RASGRP2: variants seen among roughly 807,000 people sequenced by gnomAD.
The protein encoded by RASGRP2 is RAS guanyl releasing protein 2, also known as RAS guanyl-releasing protein 2.
RASGRP2 carries 44 observed loss-of-function variants against 71.0 expected under a neutral mutation model. The ratio of observed to expected loss-of-function variants is 0.62; its 90% CI spans 0.49 to 0.80. The LOEUF (loss-of-function observed/expected upper bound fraction) is 0.80, where lower values mean the gene tolerates loss of function less well. RASGRP2 is among the 30% of genes least tolerant of loss of function. The probability of loss-of-function intolerance (pLI) is 0.00; values close to 1 mark genes in which losing one functional copy is unlikely to be tolerated. For synonymous variants in RASGRP2, 350 were observed against 330.7 expected, an observed-to-expected ratio of 1.06 and a Z score of -0.63; for missense variants, 663 against 813.4, an observed-to-expected ratio of 0.82 and a Z score of 2.25.
Position 64,735,848 on chromosome 11 carries a change from T to TC in RASGRP2, c.1173+54dup. ...GCTAAGAGCTCTTCCCATCCTCACATCCTGGGATTCTCAGGAGGGAAGGGC... is the reference window on the plus strand; with the variant it reads ...GCTAAGAGCTCTTCCCATCCTCACATCCCTGGGATTCTCAGGAGGGAAGGGC... On this transcript the variant is annotated intron_variant, in intron 10 of 16. Transcript: ENST00000394432. This position sits in a 1 kb window ranked among gnomAD's most constrained non-coding sequence, Gnocchi z 4.2. 3 of 1,565,438 alleles carry TC rather than the reference T, an allele frequency of 1.9e-6. No individual in the cohort carries two copies. Among genetic ancestry groups the TC allele is most frequent in the Non-Finnish European group, 2.6e-6 (3 of 1,143,048 alleles).
intron 12 of RASGRP2, among the ~76,000 whole-genome samples, chr11:64,733,041 C>G (rs2057811703): frequency 6.6e-6 from 1 of 151,798 alleles, no homozygotes; most frequent in African/African-American, 2.4e-5. Context: ...ATGAGAATTA[C>G]TTGAACCTGG....
At position 64,742,757 on chromosome 11, in the gene RASGRP2, T is replaced by C. The variant is rs2058173248; in HGVS notation, c.73+37A>G. 2 of 1,581,246 alleles carry C rather than the reference T, an allele frequency of 1.3e-6. No homozygotes were observed. Among genetic ancestry groups the C allele is most frequent in the Admixed American group, 3.6e-5 (2 of 55,220 alleles). ...AGGGACCCGGGCTCAGACTCGGGGCTAGGCTCAGGCTCCGTGTGCCCTCCC... is the reference window on the plus strand; with the variant it reads ...AGGGACCCGGGCTCAGACTCGGGGCCAGGCTCAGGCTCCGTGTGCCCTCCC... On this transcript the variant is annotated intron_variant, in intron 2 of 16. Coordinates refer to ENST00000394432, the MANE Select transcript of RASGRP2 (RefSeq NM_001098671.2). The surrounding 1 kb of genome is among the most constrained non-coding windows in gnomAD (Gnocchi z 4.7).
upstream of RASGRP2, chr11:64,744,547 C>G (rs1269515421): frequency 6.5e-6 from 1 of 153,346 alleles, no homozygotes; most frequent in Non-Finnish European, 1.4e-5. Flanking sequence ...CTGGGTGCAC[C>G]GTGGAGGTCC....
rs1356246817 is a variant in RASGRP2 at position 64,730,213 on chromosome 11, G to A, written c.1413-19C>T. The stretch of plus-strand genomic sequence containing the variant: ...GCCATCCCTGTGGGGAGTTGCGGGG[G>A]CGCTTCAGCTCGGGCCCTCCCCAGA... On this transcript the variant is annotated intron_variant, in intron 12 of 16. Coordinates refer to ENST00000394432, the MANE Select transcript of RASGRP2 (RefSeq NM_001098671.2). 1.9e-6 allele frequency: 3 copies of A among 1,551,486 alleles called. No homozygotes were observed. The highest frequency in any genetic ancestry group is 1.2e-5 in the South Asian group (1 of 84,068).
chr11:64,730,031 G>C lies in RASGRP2; in HGVS notation c.1554+22C>G, dbSNP rs754691912. 18 of 1,547,922 alleles carry C rather than the reference G, an allele frequency of 1.2e-5. No homozygotes were observed. The Middle Eastern group carries it at 6.8e-4, about 59-fold the overall frequency. ...GCTGGAGGGGCGTGGCTTGGGCCGTGAGCCGGGAAAGGGACTCTCACCAGG... is the reference window on the plus strand; with the variant it reads ...GCTGGAGGGGCGTGGCTTGGGCCGTCAGCCGGGAAAGGGACTCTCACCAGG... On this transcript the variant is annotated intron_variant, in intron 13 of 16. Transcript: ENST00000394432.
chr11:64,732,433 C>T (rs987097736), intron 12 of RASGRP2, among the ~76,000 whole-genome samples: 3 of 152,184 alleles, frequency 2.0e-5, no homozygotes, highest in East Asian at 1.9e-4. Flanking sequence ...CCGAGGCGGG[C>T]GGATCACCTG....
rs546411380 is a variant in RASGRP2 at position 64,729,996 on chromosome 11, C to T, written c.1554+57G>A. The T allele has an allele frequency of 3.2e-5, 41 of 1,266,428 alleles. No individual in the cohort carries two copies. In the East Asian group the frequency reaches 1.6e-3, roughly 48 times the overall value. The allele number at this position is 1,266,428 out of a possible 1,614,324, so 78.4% of individuals were successfully genotyped here. On this transcript the variant is annotated intron_variant, in intron 13 of 16. Coordinates refer to ENST00000394432, the MANE Select transcript of RASGRP2 (RefSeq NM_001098671.2). ...GCAGAGGCGGGGCCAGAAGGGAGGG[C>T]GGGGCCGGGGCTGGAGGGGCGTGGC...
rs2301563 is a variant in RASGRP2, at chr11:64,739,617, G to T, written c.696+19C>A. ...GCATGTGGGGTGGTTGGGAGACACC[G>T]GGAGGGAGGGGCAGGCACCTCCGCC... On this transcript the variant is annotated intron_variant, in intron 7 of 16. Coordinates refer to ENST00000394432, the MANE Select transcript of RASGRP2 (RefSeq NM_001098671.2). This position sits in a 1 kb window ranked among gnomAD's most constrained non-coding sequence, Gnocchi z 4.2. The T allele has an allele frequency of 6.2e-7, 1 of 1,612,920 alleles. No individual in the cohort carries two copies. The highest frequency in any genetic ancestry group is 2.2e-5 in the East Asian group (1 of 44,848).
chr11:64,743,334 C>G lies in RASGRP2; in HGVS notation c.-71-397G>C. On this transcript the variant is annotated intron_variant, in intron 1 of 16. Coordinates refer to ENST00000394432, the MANE Select transcript of RASGRP2 (RefSeq NM_001098671.2). This position sits in a 1 kb window ranked among gnomAD's most constrained non-coding sequence, Gnocchi z 4.9. ...TCCCTCCACAGCCTCCCTTCCCCCG[C>G]AGGGTTATTTTGGGAACCCAGAGCC... 4.5e-6 allele frequency: 2 copies of G among 439,848 alleles called. No homozygotes were observed. Among genetic ancestry groups the G allele is most frequent in the Non-Finnish European group, 4.5e-6 (1 of 221,270 alleles). The allele number at this position is 439,848 out of a possible 1,614,324, so 27.2% of individuals were successfully genotyped here.
At chr11:64,730,242 A>G in intron 12 of RASGRP2, 48 bp from the exon 13 acceptor site, 1 of 1,550,748 alleles carries the variant, frequency 6.4e-7, no homozygotes, top group Non-Finnish European at 8.7e-7. Flanking sequence ...CCCCAGAACC[A>G]TCCACCGCTG....
chr11:64,736,045 A>C, intron 9 of RASGRP2, 65 bp from the exon 10 acceptor site: 1 of 1,382,460 alleles, frequency 7.2e-7, no homozygotes, highest in Non-Finnish European at 1.0e-6. Flanking sequence ...CCAGGGCCAA[A>C]GGTCGACCTA....
At chr11:64,727,274 T>C in intron 16 of RASGRP2, 22 bp downstream of exon 16, 1 of 1,610,480 alleles carries the variant, frequency 6.2e-7, no homozygotes, top group East Asian at 2.2e-5. Context: ...GGAGCTCTGG[T>C]GCCAGCTGTG....
chr11:64,737,801 C>T (rs1251711530), intron 8 of RASGRP2, among the ~76,000 whole-genome samples: 1 of 151,968 alleles, frequency 6.6e-6, no homozygotes, highest in Non-Finnish European at 1.5e-5. Flanking sequence ...CACCTGTAAT[C>T]CCAGCACTTT....
intron 15 of RASGRP2, 41 bp from the exon 16 acceptor site, chr11:64,727,401 C>T (rs1258719448): frequency 3.7e-6 from 6 of 1,600,028 alleles, no homozygotes; most frequent in Non-Finnish European, 5.1e-6. Context: ...CTTCCAGGTC[C>T]CTGGGACTTC....
rs753605072 is a variant in RASGRP2, at chr11:64,736,888, G to C, written c.960C>G (p.Asp320Glu). The C allele has an allele frequency of 6.2e-7, 1 of 1,613,928 alleles. No homozygotes were observed. Among genetic ancestry groups the C allele is most frequent in the Non-Finnish European group, 8.5e-7 (1 of 1,180,036 alleles). The change falls in exon 9 of 17, where the codon GAC (aspartate) becomes GAG (glutamate). Residue 320 changes from aspartate to glutamate, a missense_variant. Coordinates refer to ENST00000394432, the MANE Select transcript of RASGRP2 (RefSeq NM_001098671.2). Reference protein sequence around the residue: ...DLVALQLALPDWLDPARTRLN... With the variant: ...DLVALQLALPEWLDPARTRLN... The stretch of plus-strand genomic sequence containing the variant: ...GCCGGGTCCGGGCTGGGTCCAGCCA[G>C]TCAGGCAGTGCCAGCTGCAGGGCCA...
Position 64,741,038 on chromosome 11 carries a change from G to A in RASGRP2, c.281C>T (p.Pro94Leu), listed in dbSNP as rs186484036. ...SAFPAEFDLNPELAEQIKELK... is the reference protein window; with the variant it reads ...SAFPAEFDLNLELAEQIKELK... Reference sequence around the variant, plus strand: ...CTCCTTGATCTGCTCAGCCAACTCCGGGTTCAAGTCAAACTCCGCTGGGAA... The same window carrying A: ...CTCCTTGATCTGCTCAGCCAACTCCAGGTTCAAGTCAAACTCCGCTGGGAA... Residue 94 changes from proline to leucine, a missense_variant, in exon 5 of 17, where the codon CCG becomes CTG. Transcript: ENST00000394432. The A allele has an allele frequency of 4.3e-6, 7 of 1,613,526 alleles. No individual in the cohort carries two copies. In the East Asian group the frequency reaches 6.7e-5, roughly 15 times the overall value.
rs139499587 is a variant in RASGRP2, at chr11:64,735,958, G to T, written c.1118C>A (p.Thr373Lys). Residue 373 changes from threonine to lysine, a missense_variant, in exon 10 of 17, where the codon ACG (threonine) becomes AAG (lysine). Physicochemically the swap from Thr to Lys is moderately conservative, Grantham distance 78. Coordinates refer to ENST00000394432, the MANE Select transcript of RASGRP2 (RefSeq NM_001098671.2). This position sits in a 1 kb window ranked among gnomAD's most constrained non-coding sequence, Gnocchi z 4.2. ...LLTVSLDQYQ[T>K]EDELYQLSLQ... Reference sequence around the variant, plus strand: ...GGACAGCTGGTACAGCTCATCCTCCGTCTGATACTGATCCAGAGACACCTG... The same window carrying T: ...GGACAGCTGGTACAGCTCATCCTCCTTCTGATACTGATCCAGAGACACCTG... 11 of 1,613,818 alleles carry T rather than the reference G, an allele frequency of 6.8e-6. No individual in the cohort carries two copies. The Admixed American group carries it at 1.7e-4, about 24-fold the overall frequency.
At chr11:64,736,309 A>C (rs1490162905) in intron 9 of RASGRP2, among the ~76,000 whole-genome samples, 1 of 151,988 alleles carries the variant, frequency 6.6e-6, no homozygotes, top group Non-Finnish European at 1.5e-5. Context: ...AAACCTTAAC[A>C]CTTAAGCCCC....
At chr11:64,744,868 G>A (rs2058256573), upstream of RASGRP2, 1 of 125,754 alleles carries the variant, frequency 8.0e-6, no homozygotes, top group African/African-American at 2.9e-5. Flanking sequence ...GCTCCCCGCC[G>A]CCCCGCCCCC....
Sources: gnomAD v4.1 joint callset for allele counts (sites outside exome capture counted in the v4.1 genomes callset) on GRCh38, gnomAD v4.1.1 for gene constraint, Gnocchi (gnomAD v3.1) non-coding constraint, MANE v1.5 for transcripts, NCBI Gene and HGNC (gene_info 2026-07-23, HGNC 2026-07-21) for gene names.